Variants in TEX11 observed in about 807,000 individuals in gnomAD.
TEX11 encodes testis-expressed protein 11.
A neutral mutation model predicts 84.4 loss-of-function variants in TEX11; 7 were observed. The observed-to-expected ratio is 0.08, with a 90% CI of 0.05 to 0.16. The LOEUF (loss-of-function observed/expected upper bound fraction) is 0.16. Among genes scored for constraint, TEX11 ranks in the 10% least tolerant of loss-of-function variants. The pLI is 1.00. For missense variants in TEX11, 551 were observed against 660.5 expected (o/e 0.83, Z 1.82); for synonymous variants, 264 against 222.8 (o/e 1.18, Z -1.64).
At chrX:70,794,408 T>G (rs1442675496) in intron 9 of TEX11, among the ~76,000 whole-genome samples, 2 of 110,846 alleles carry the variant, frequency 1.8e-5, no homozygotes, top group Non-Finnish European at 3.8e-5. Context: ...TAAATAAACC[T>G]GAAAGGCAGT....
At chrX:70,784,480 G>C (rs1255047556) in intron 9 of TEX11, among the ~76,000 whole-genome samples, 1 of 111,268 alleles carries the variant, frequency 9.0e-6, no homozygotes, top group Non-Finnish European at 1.9e-5. Context: ...TTCTGGCTAG[G>C]GCAATTAGGC....
rs1212792284 is a variant in TEX11 at position 70,751,449 on chromosome X, C to T, written c.693-7230G>A. Reference sequence around the variant, plus strand: ...ATTGAACAATGAGAACACATGGACACAGGAAGGGGAGCATCACACACCAGG... The same window carrying T: ...ATTGAACAATGAGAACACATGGACATAGGAAGGGGAGCATCACACACCAGG... On this transcript the variant is annotated intron_variant, in intron 9 of 29. Coordinates refer to ENST00000374333, the MANE Select transcript of TEX11 (RefSeq NM_031276.3). Among the ~76,000 whole-genome samples the T allele has an allele frequency of 4.8e-5, 4 of 83,463 alleles. No homozygotes were observed. In the Admixed American group the frequency reaches 6.8e-4, roughly 14 times the overall value. 72.5% of individuals were successfully genotyped at this position (83,463 alleles called of 115,157 possible).
intron 25 of TEX11, among the ~76,000 whole-genome samples, chrX:70,586,702 G>C (rs1039296416): frequency 8.9e-6 from 1 of 112,075 alleles, no homozygotes; most frequent in East Asian, 2.8e-4. Context: ...GAGAAATTAA[G>C]ATACATTTCC....
chrX:70,512,569 C>T, the TEX11 span, among the ~76,000 whole-genome samples: 15 of 107,746 alleles, frequency 1.4e-4, no homozygotes, highest in Non-Finnish European at 2.7e-4. Context: ...CAGTACTTTC[C>T]CCCCACTTTC....
In TEX11 at chrX:70,582,942, C is replaced by T. The variant is rs753867415; in HGVS notation, c.2140+8809G>A. Among the ~76,000 whole-genome samples the T allele has an allele frequency of 1.5e-4, 16 of 108,890 alleles. No individual in the cohort carries two copies. In the East Asian group the frequency reaches 4.3e-3, roughly 29 times the overall value. The allele number at this position is 108,890 out of a possible 115,157, so 94.6% of individuals were successfully genotyped here. On this transcript the variant is annotated intron_variant, in intron 25 of 29. Coordinates refer to ENST00000374333, the MANE Select transcript of TEX11 (RefSeq NM_031276.3). Reference sequence around the variant, plus strand: ...TGTATTTTTAGTAGATACGGGGTTTCACCATGTTGGCCAGGCTGGTCTTGA... The same window carrying T: ...TGTATTTTTAGTAGATACGGGGTTTTACCATGTTGGCCAGGCTGGTCTTGA...
chrX:70,710,943 C>T (rs776592445), intron 13 of TEX11, among the ~76,000 whole-genome samples: 2 of 109,201 alleles, frequency 1.8e-5, no homozygotes, highest in Admixed American at 9.8e-5. Flanking sequence ...CCCCACTCCC[C>T]CCACCCCACA....
At chrX:70,647,999 A>G (rs1159626683) in intron 17 of TEX11, among the ~76,000 whole-genome samples, 1 of 112,045 alleles carries the variant, frequency 8.9e-6, no homozygotes, top group Non-Finnish European at 1.9e-5. Flanking sequence ...GATAGCAAAG[A>G]CTTGGAACCA....
chrX:70,829,819 G>T (rs1165679580), intron 8 of TEX11, among the ~76,000 whole-genome samples: 1 of 109,323 alleles, frequency 9.1e-6, no homozygotes, highest in Non-Finnish European at 1.9e-5. Context: ...CATTTGCAAG[G>T]CTCACGGTAA....
At chrX:70,829,282 G>A (rs1410573114) in intron 8 of TEX11, among the ~76,000 whole-genome samples, 1 of 110,806 alleles carries the variant, frequency 9.0e-6, no homozygotes, top group Non-Finnish European at 1.9e-5. Context: ...AGGAGTTCGA[G>A]ACCAGCCTGA....
At chrX:70,565,601 C>T (rs2088456543) in intron 25 of TEX11, among the ~76,000 whole-genome samples, 1 of 110,891 alleles carries the variant, frequency 9.0e-6, no homozygotes, top group Admixed American at 9.6e-5. Context: ...GGAAGGGATC[C>T]AGTTTCAGCT....
intron 9 of TEX11, among the ~76,000 whole-genome samples, chrX:70,758,198 A>C (rs1412527087): frequency 8.0e-5 from 9 of 111,810 alleles, no homozygotes; most frequent in Non-Finnish European, 1.5e-4. Flanking sequence ...ACCCACTGTC[A>C]ATATTAGACA....
intron 25 of TEX11, among the ~76,000 whole-genome samples, chrX:70,568,534 T>C (rs1392175663): frequency 1.8e-5 from 2 of 111,320 alleles, no homozygotes; most frequent in Non-Finnish European, 3.8e-5. Flanking sequence ...GATTTTGCCG[T>C]GGCTGGTCCC....
chrX:70,653,577 T>C (rs1339180816), intron 16 of TEX11, among the ~76,000 whole-genome samples: 1 of 112,023 alleles, frequency 8.9e-6, no homozygotes, highest in African/African-American at 3.2e-5. Context: ...ACAGGAACTC[T>C]CATTCATCAC....
chrX:70,868,947 A>G lies in TEX11; in HGVS notation c.244+4276T>C, dbSNP rs765900046. Among the ~76,000 whole-genome samples, 29 of 108,246 alleles carry G rather than the reference A, an allele frequency of 2.7e-4. No homozygotes were observed. The South Asian group carries it at 3.2e-3, about 12-fold the overall frequency. The allele number at this position is 108,246 out of a possible 115,157, so 94.0% of individuals were successfully genotyped here. On this transcript the variant is annotated intron_variant, in intron 4 of 29. Transcript: ENST00000374333. ...GCATGCGGGGCTTAAAACCTAGATG[A>G]CAGGTTGATAGGTGCAGCAAATCAC...
chrX:70,588,835 A>G (rs953198438), intron 25 of TEX11, among the ~76,000 whole-genome samples: 7 of 110,074 alleles, frequency 6.4e-5, no homozygotes, highest in African/African-American at 2.0e-4. Flanking sequence ...TAAGGAGGTC[A>G]AGGTGGGAGG....
rs199682126 is a variant in TEX11, at chrX:70,632,121, G to GAA, written c.1484-2388_1484-2387dup. Among the ~76,000 whole-genome samples the GAA allele has an allele frequency of 5.7e-3, 525 of 92,134 alleles. 8 individuals carry two copies. In the Middle Eastern group the frequency reaches 0.064, roughly 11 times the overall value. 80.0% of individuals were successfully genotyped at this position (92,134 alleles called of 115,157 possible). A position where few individuals can be genotyped will look rare whatever the true frequency, so the allele number is the denominator to read the frequency against. On this transcript the variant is annotated intron_variant, in intron 17 of 29. Transcript: ENST00000374333. ...TAATAAAAATGCTAAAGGAAAACCT[G>GAA]AAAAAAAAAAAAAATGAAAACATGA... is the stretch of plus-strand genomic sequence containing the variant.
rs748411723 is a variant in TEX11 at position 70,798,314 on chromosome X, TAA to T, written c.692+8389_692+8390del. Among the ~76,000 whole-genome samples the T allele has an allele frequency of 6.5e-4, 72 of 110,929 alleles. 1 individual carries two copies. Among genetic ancestry groups the T allele is most frequent in the Admixed American group, 3.0e-3 (31 of 10,404 alleles). On this transcript the variant is annotated intron_variant, in intron 9 of 29. Coordinates refer to ENST00000374333, the MANE Select transcript of TEX11 (RefSeq NM_031276.3). ...TGAAAGACTTGCACACTGAAAACTA[TAA>T]AACACTGAAGAAAGAAATTGAAGAA...
intron 7 of TEX11, among the ~76,000 whole-genome samples, chrX:70,852,662 A>G (rs1602183103): frequency 8.9e-6 from 1 of 112,323 alleles, no homozygotes; most frequent in South Asian, 3.7e-4. Flanking sequence ...ATCAATAGAC[A>G]ACTCAGAACA....
chrX:70,897,693 AAGAAAGAAAGAAAG>A (rs2091780061), intron 2 of TEX11: 1 of 77,581 alleles, frequency 1.3e-5, no homozygotes, highest in Non-Finnish European at 2.7e-5. Context: ...GAAAGAAAGA[AAGAAAGAAAGAAAG>A]AAAGAAAGAA....
Sources: allele counts gnomAD v4.1 joint callset (sites outside exome capture counted in the v4.1 genomes callset), GRCh38; gene constraint gnomAD v4.1.1; transcripts MANE v1.5; gene names NCBI Gene and HGNC (gene_info 2026-07-23, HGNC 2026-07-21).